GAB4: variants seen among roughly 807,000 people sequenced by gnomAD.
GAB4 encodes the protein GRB2-associated-binding protein 4.
GAB4 carries 26 observed loss-of-function variants against 51.3 expected under a neutral mutation model. The observed-to-expected ratio is 0.51, with a 90% CI of 0.37 to 0.70. The LOEUF is 0.70. Ranked by LOEUF, GAB4 falls within the 30% of genes least tolerant of loss-of-function variation. The probability of loss-of-function intolerance (pLI) is 0.00; values close to 1 mark genes in which losing one functional copy is unlikely to be tolerated. For synonymous variants in GAB4, 329 were observed against 291.2 expected, an observed-to-expected ratio of 1.13 and a Z score of -1.32; for missense variants, 759 against 734.6, an observed-to-expected ratio of 1.03 and a Z score of -0.38.
chr22:16,980,657 G>T (rs1408419603), intron 3 of GAB4, among the ~76,000 whole-genome samples: 1 of 152,120 alleles, frequency 6.6e-6, no homozygotes, highest in Non-Finnish European at 1.5e-5. Flanking sequence ...CCATTACTGG[G>T]TATATACCCA....
At chr22:16,983,379 ACCTAAAGAAAT>A (rs1298174681) in intron 3 of GAB4, among the ~76,000 whole-genome samples, 4 of 152,094 alleles carry the variant, frequency 2.6e-5, no homozygotes, top group Admixed American at 1.3e-4. Context: ...CCCCAACACT[ACCTAAAGAAAT>A]CTGCAGAGTC....
chr22:17,005,482 A>C (rs1215442699), intron 1 of GAB4, among the ~76,000 whole-genome samples: 1 of 152,228 alleles, frequency 6.6e-6, no homozygotes, highest in African/African-American at 2.4e-5. Flanking sequence ...GACTTTCTTC[A>C]CAGAATTAGA....
intron 1 of GAB4, among the ~76,000 whole-genome samples, chr22:17,006,794 G>A (rs1231067843): frequency 1.3e-5 from 2 of 152,106 alleles, no homozygotes; most frequent in Non-Finnish European, 2.9e-5. Flanking sequence ...ACTCATAAGT[G>A]GCAGCTGAAC....
At chr22:16,985,141 G>A (rs1406841559) in intron 3 of GAB4, among the ~76,000 whole-genome samples, 1 of 152,174 alleles carries the variant, frequency 6.6e-6, no homozygotes, top group Non-Finnish European at 1.5e-5. Flanking sequence ...CAGTGGAGCT[G>A]GAACTCCTAA....
In GAB4 at chr22:17,008,115, G is replaced by A. The variant is rs189167407; in HGVS notation, c.-1C>T. 20 of 1,596,830 alleles carry A rather than the reference G, an allele frequency of 1.3e-5. No homozygotes were observed. In the Admixed American group the frequency reaches 1.5e-4, roughly 12 times the overall value. The stretch of plus-strand genomic sequence containing the variant: ...AGGGTGAGGGGGACGGCAGGGACAT[G>A]GGGGCTGCAGCTCACAGTGAAGGTG... On this transcript the variant is annotated 5_prime_UTR_variant, in exon 1 of 10. Coordinates refer to ENST00000400588, the MANE Select transcript of GAB4 (RefSeq NM_001037814.1).
intron 1 of GAB4, among the ~76,000 whole-genome samples, chr22:17,002,589 ATTAACC>A (rs1221159145): frequency 6.6e-6 from 1 of 152,104 alleles, no homozygotes; most frequent in Non-Finnish European, 1.5e-5. Context: ...ACATAACAAT[ATTAACC>A]TTATGTTCTC....
chr22:16,991,298 A>G (rs974413293), intron 2 of GAB4, among the ~76,000 whole-genome samples: 6 of 150,790 alleles, frequency 4.0e-5, no homozygotes, highest in African/African-American at 1.5e-4. Flanking sequence ...AATTTAGACC[A>G]TATATCTGCC....
chr22:16,968,338 C>A lies in GAB4; in HGVS notation c.983G>T (p.Arg328Leu), dbSNP rs2060699601. The A allele has an allele frequency of 6.2e-7, 1 of 1,613,954 alleles. No homozygotes were observed. The highest frequency in any genetic ancestry group is 1.7e-5 in the Admixed American group (1 of 59,996). Residue 328 changes from arginine to leucine, a missense_variant, in exon 5 of 10, where the codon CGG becomes CTG. Around this residue, in one of 3 missense-constraint regions of GAB4, gnomAD observed 588 missense variants for 510.2 expected, o/e 1.15. Coordinates refer to ENST00000400588, the MANE Select transcript of GAB4 (RefSeq NM_001037814.1). ...YTQHGGGNAS[R>L]PAESMHEGVC... ...TCCCTCATGCATGGACTCAGCAGGC[C>A]GGCTGGCATTCCCTCCACCATGCTG...
chr22:16,972,791 C>A (rs546944468), intron 3 of GAB4, among the ~76,000 whole-genome samples: 52 of 152,276 alleles, frequency 3.4e-4, no homozygotes, highest in Admixed American at 1.4e-3. Flanking sequence ...TTCCTCACAT[C>A]TTCCCAGGGC....
At position 16,964,821 on chromosome 22, in the gene GAB4, G is replaced by A. The variant is rs141562718; in HGVS notation, c.1421C>T (p.Thr474Met). Residue 474 changes from threonine to methionine, a missense_variant, in exon 8 of 10, where the codon ACG becomes ATG. Thr to Met is a moderately conservative substitution (Grantham distance 81, BLOSUM62 -1). This residue lies in a region of GAB4 where 588 missense variants were observed against 510.2 expected (regional missense o/e 1.15). Transcript: ENST00000400588. ...TGAGTCTGTGTTGGTGATGCTCTGC[G>A]TGGAGATGGGGTGTTGGGAGGAGCT... ...DSSSSQHPIS[T>M]QSITNTDSED... 1,481 of 1,613,984 alleles carry A rather than the reference G, an allele frequency of 9.2e-4. 11 individuals carry two copies. In the African/African-American group the frequency reaches 0.015, roughly 16 times the overall value.
At position 16,987,916 on chromosome 22, in the gene GAB4, C is replaced by A; in HGVS notation, c.686+44G>T. On this transcript the variant is annotated intron_variant, in intron 3 of 9. Coordinates refer to ENST00000400588, the MANE Select transcript of GAB4 (RefSeq NM_001037814.1). ...AAATCAGGGACTGAATAGAACAAGA[C>A]CTTGTGGGGGTCACTGCCCCCACTG... 3 of 1,443,838 alleles carry A rather than the reference C, an allele frequency of 2.1e-6. 1 individual carries two copies. The South Asian group carries it at 3.6e-5, about 17-fold the overall frequency. The allele number at this position is 1,443,838 out of a possible 1,614,324, so 89.4% of individuals were successfully genotyped here.
At chr22:17,007,432 G>A (rs1466809476) in intron 1 of GAB4, among the ~76,000 whole-genome samples, 1 of 152,060 alleles carries the variant, frequency 6.6e-6, no homozygotes, top group African/African-American at 2.4e-5. Context: ...GGGAGCGAGC[G>A]GGTGCGAGGT....
chr22:17,004,154 TA>T (rs1427259382), intron 1 of GAB4, among the ~76,000 whole-genome samples: 25 of 152,188 alleles, frequency 1.6e-4, no homozygotes, highest in African/African-American at 5.8e-4. Flanking sequence ...AAACCAATAA[TA>T]AATTCTGAAA....
intron 3 of GAB4, among the ~76,000 whole-genome samples, chr22:16,971,643 T>C (rs570116298): frequency 1.3e-5 from 2 of 152,300 alleles, no homozygotes; most frequent in South Asian, 2.1e-4. Flanking sequence ...TTGGGGTGTC[T>C]CCCCAGAATG....
At chr22:16,996,014 C>G (rs1272485165) in intron 1 of GAB4, among the ~76,000 whole-genome samples, 2 of 151,844 alleles carry the variant, frequency 1.3e-5, no homozygotes, top group Non-Finnish European at 2.9e-5. Context: ...CTCCTCTGAG[C>G]TAAAGGAGCA....
Position 16,969,949 on chromosome 22 carries a change from T to C in GAB4, c.931A>G (p.Asn311Asp). ...GCCTTGAAGGGGTACACACCCTCAT[T>C]ATCCGCCTCAGAGCCTGTGAGGCTG... Reference protein sequence around the residue: ...RGSLTGSEADNEASSGKYTQH... With the variant: ...RGSLTGSEADDEASSGKYTQH... Residue 311 changes from asparagine to aspartate, a missense_variant, in exon 4 of 10, where the codon AAT becomes GAT. Physicochemically the swap from Asn to Asp is conservative, Grantham distance 23. This residue lies in a region of GAB4 where 588 missense variants were observed against 510.2 expected (regional missense o/e 1.15). Transcript: ENST00000400588. 6.2e-7 allele frequency: 1 copy of C among 1,614,108 alleles called. No individual in the cohort carries two copies. The highest frequency in any genetic ancestry group is 8.5e-7 in the Non-Finnish European group (1 of 1,180,032).
Position 16,964,773 on chromosome 22 carries a change from A to C in GAB4, c.1469T>G (p.Leu490Arg). The C allele has an allele frequency of 6.2e-7, 1 of 1,611,752 alleles. No homozygotes were observed. The highest frequency in any genetic ancestry group is 8.5e-7 in the Non-Finnish European group (1 of 1,177,960). The stretch of plus-strand genomic sequence containing the variant: ...TGACCCCCAAGGACTCACCGGGAAA[A>C]GATACCTCTCTCCACTGTCTTCTGA... Reference protein sequence around the residue: ...TDSEDSGERYLFPNPASAFPV... With the variant: ...TDSEDSGERYRFPNPASAFPV... Residue 490 changes from leucine (L) to arginine (R), a missense_variant, in exon 8 of 10, where the codon CTT becomes CGT. By Grantham distance (102) the Leu-to-Arg change is moderately radical (BLOSUM62 -2). Coordinates refer to ENST00000400588, the MANE Select transcript of GAB4 (RefSeq NM_001037814.1).
At position 16,988,169 on chromosome 22, in the gene GAB4, T is replaced by C. The variant is rs767042060; in HGVS notation, c.479-2A>G. On this transcript the variant is annotated splice_acceptor_variant, in intron 2 of 9. Transcript: ENST00000400588. LOFTEE classifies it high-confidence loss of function. ...CTGAGGAAATGTTTCCCAGGAAGCC[T>C]GTGAATGAAACAGGAAGGAAGGGCA... 1.2e-6 allele frequency: 2 copies of C among 1,607,754 alleles called. No homozygotes were observed. The highest frequency in any genetic ancestry group is 3.3e-5 in the Admixed American group (2 of 59,880).
At chr22:16,966,504 T>C (rs534988056) in intron 5 of GAB4, 140 bp from the exon 6 acceptor site, 21 of 842,088 alleles carry the variant, frequency 2.5e-5, no homozygotes, top group Non-Finnish European at 3.6e-5. Context: ...GGGGCTGCTG[T>C]CTTCAGCAGC....
Sources: allele counts gnomAD v4.1 joint callset (sites outside exome capture counted in the v4.1 genomes callset), GRCh38; gene constraint gnomAD v4.1.1; regional missense constraint gnomAD v4.1.1; transcripts MANE v1.5; gene names NCBI Gene and HGNC (gene_info 2026-07-23, HGNC 2026-07-21).